Variants in NCKAP5 observed in about 807,000 individuals in gnomAD.
The protein encoded by NCKAP5 is NCK associated protein 5.
In NCKAP5, 92 loss-of-function variants were observed where a neutral mutation model predicts 167.0. That is an observed-to-expected ratio of 0.55 (90% CI 0.47 to 0.66). The LOEUF (loss-of-function observed/expected upper bound fraction) is 0.66, where lower values mean the gene tolerates loss of function less well. Ranked by LOEUF, NCKAP5 falls within the 30% of genes least tolerant of loss-of-function variation. The pLI, the probability that NCKAP5 is intolerant of heterozygous loss-of-function variation, is 0.00. For synonymous variants in NCKAP5, 891 were observed against 877.4 expected, an observed-to-expected ratio of 1.02 and a Z score of -0.27; for missense variants, 2,378 against 2,315.0, an observed-to-expected ratio of 1.03 and a Z score of -0.56.
intron 19 of NCKAP5, among the ~76,000 whole-genome samples, chr2:132,704,563 C>G (rs531762100): frequency 6.6e-6 from 1 of 152,316 alleles, no homozygotes; most frequent in Admixed American, 6.5e-5. Context: ...CTCCAAAGAG[C>G]ACCTCCTGGT....
chr2:132,869,411 T>C (rs1266900475), intron 9 of NCKAP5, among the ~76,000 whole-genome samples: 6 of 152,220 alleles, frequency 3.9e-5, no homozygotes, highest in African/African-American at 1.4e-4. Context: ...TTACTTGCAA[T>C]AGAGATAGGT....
intron 4 of NCKAP5, among the ~76,000 whole-genome samples, chr2:133,281,121 G>A (rs533020219): frequency 1.4e-3 from 206 of 152,208 alleles, no homozygotes; most frequent in Non-Finnish European, 2.2e-3. Flanking sequence ...GTGACATTCC[G>A]TTTTTAACAG....
the NCKAP5 span, among the ~76,000 whole-genome samples, chr2:133,630,540 T>C: frequency 2.0e-5 from 3 of 152,132 alleles, no homozygotes; most frequent in Non-Finnish European, 1.5e-5. Context: ...CAAATCACCA[T>C]GGCACATGTT....
At chr2:133,351,396 A>C (rs994962566) in intron 3 of NCKAP5, among the ~76,000 whole-genome samples, 7 of 152,012 alleles carry the variant, frequency 4.6e-5, no homozygotes, top group African/African-American at 1.7e-4. Flanking sequence ...TTGAGCCTTA[A>C]TTTTTTTCAT....
intron 16 of NCKAP5, among the ~76,000 whole-genome samples, chr2:132,738,341 T>A (rs891824554): frequency 1.3e-5 from 2 of 152,178 alleles, no homozygotes; most frequent in African/African-American, 4.8e-5. Context: ...GTACACAGCA[T>A]CACTGGGCCT....
chr2:133,169,477 C>T (rs539913253), intron 5 of NCKAP5, among the ~76,000 whole-genome samples: 1 of 152,194 alleles, frequency 6.6e-6, no homozygotes, highest in Non-Finnish European at 1.5e-5. Flanking sequence ...CTTCTCCTCT[C>T]GCAGAGTGTC....
At chr2:132,820,551 T>A (rs904749203) in intron 11 of NCKAP5, among the ~76,000 whole-genome samples, 1 of 151,664 alleles carries the variant, frequency 6.6e-6, no homozygotes, top group Non-Finnish European at 1.5e-5. Flanking sequence ...TTTTTTGTTT[T>A]TTGTTTTTTT....
At chr2:132,720,246 C>T (rs1316946266) in intron 19 of NCKAP5, among the ~76,000 whole-genome samples, 1 of 152,186 alleles carries the variant, frequency 6.6e-6, no homozygotes, top group Non-Finnish European at 1.5e-5. Flanking sequence ...GCTCTGTGAA[C>T]AAAACCACAA....
chr2:133,521,231 G>T (rs1018855763), intron 2 of NCKAP5, among the ~76,000 whole-genome samples: 1 of 152,204 alleles, frequency 6.6e-6, no homozygotes, highest in East Asian at 1.9e-4. Flanking sequence ...GATTACCTGG[G>T]CCATTTGTAC....
In NCKAP5 at chr2:133,060,156, T is replaced by C. The variant is rs141291670; in HGVS notation, c.342-65917A>G. ...GGACTAGGAAAATCATCTCAAGAGC[T>C]GAACTTTAAAGCTATTTTAGACAGA... is the stretch of plus-strand genomic sequence containing the variant. On this transcript the variant is annotated intron_variant, in intron 6 of 19. Transcript: ENST00000409261. 7.7e-3 allele frequency among the ~76,000 whole-genome samples: 1,170 copies of C among 152,318 alleles called. 22 individuals carry two copies. Among genetic ancestry groups the C allele is most frequent in the African/African-American group, 0.027 (1,129 of 41,554 alleles).
At chr2:132,695,815 A>G (rs1178292632) in intron 19 of NCKAP5, among the ~76,000 whole-genome samples, 4 of 152,084 alleles carry the variant, frequency 2.6e-5, no homozygotes. Flanking sequence ...TACACATCAC[A>G]CAATTTTACA....
intron 3 of NCKAP5, among the ~76,000 whole-genome samples, chr2:133,403,932 A>T (rs1037435420): frequency 6.7e-6 from 1 of 150,340 alleles, no homozygotes. Context: ...AGTTTTCACC[A>T]GTCATACCTG....
intron 3 of NCKAP5, among the ~76,000 whole-genome samples, chr2:133,425,590 A>G (rs1351955364): frequency 2.0e-5 from 3 of 152,220 alleles, no homozygotes; most frequent in Admixed American, 1.3e-4. Flanking sequence ...ACTAGATGAT[A>G]AAGTGAAATC....
intron 2 of NCKAP5, among the ~76,000 whole-genome samples, chr2:133,522,913 T>G (rs1350815361): frequency 6.6e-6 from 1 of 152,242 alleles, no homozygotes; most frequent in Non-Finnish European, 1.5e-5. Context: ...AGCAATGGGT[T>G]GGAGGCCTCT....
chr2:133,668,263 G>A, the NCKAP5 span, among the ~76,000 whole-genome samples: 1 of 151,930 alleles, frequency 6.6e-6, no homozygotes. Flanking sequence ...GTTTCATGTG[G>A]ACATATATTT....
chr2:132,789,003 C>T (rs1326814412), intron 13 of NCKAP5, among the ~76,000 whole-genome samples: 1 of 152,048 alleles, frequency 6.6e-6, no homozygotes, highest in Non-Finnish European at 1.5e-5. Flanking sequence ...ATGACAGAGC[C>T]CTATTAAGGA....
At chr2:133,307,801 A>C (rs1402129700) in intron 3 of NCKAP5, among the ~76,000 whole-genome samples, 2 of 152,200 alleles carry the variant, frequency 1.3e-5, no homozygotes, top group Admixed American at 1.3e-4. Context: ...ATGTACATAT[A>C]CTATGCATTA....
At chr2:132,972,825 T>C (rs995421721) in intron 7 of NCKAP5, among the ~76,000 whole-genome samples, 2 of 146,868 alleles carry the variant, frequency 1.4e-5, no homozygotes, top group African/African-American at 5.1e-5. Context: ...ATTACACCAC[T>C]ACACTCCAGC....
At chr2:133,213,800 G>A in intron 4 of NCKAP5, 21 bp from the exon 5 acceptor site, 1 of 1,613,068 alleles carries the variant, frequency 6.2e-7, no homozygotes, top group Non-Finnish European at 8.5e-7. Flanking sequence ...AAAAACACAT[G>A]ATTAGTTGAC....
Sources: allele counts gnomAD v4.1 joint callset (sites outside exome capture counted in the v4.1 genomes callset), GRCh38; gene constraint gnomAD v4.1.1; transcripts MANE v1.5; gene names NCBI Gene and HGNC (gene_info 2026-07-23, HGNC 2026-07-21).